LRRC4C: variants seen among roughly 807,000 people sequenced by gnomAD.
LRRC4C encodes the protein leucine-rich repeat-containing protein 4C.
LRRC4C carries 5 observed loss-of-function variants against 33.6 expected under a neutral mutation model. That is an observed-to-expected ratio of 0.15 (90% confidence interval 0.08 to 0.31). The LOEUF (loss-of-function observed/expected upper bound fraction) is 0.31. Among genes scored for constraint, LRRC4C ranks in the 10% least tolerant of loss-of-function variants. LRRC4C has a pLI of 1.00. For synonymous variants in LRRC4C, 329 were observed against 302.0 expected, an observed-to-expected ratio of 1.09 and a Z score of -0.93; for missense variants, 560 against 796.7, an observed-to-expected ratio of 0.70 and a Z score of 3.58.
At chr11:41,422,855 G>C (rs1195878779) in intron 1 of LRRC4C, among the ~76,000 whole-genome samples, 1 of 151,958 alleles carries the variant, frequency 6.6e-6, no homozygotes, top group African/African-American at 2.4e-5. Context: ...TAAATGATTT[G>C]TCAGCAGAGA....
intron 3 of LRRC4C, among the ~76,000 whole-genome samples, chr11:40,341,421 T>C (rs899811567): frequency 1.3e-5 from 2 of 152,038 alleles, no homozygotes; most frequent in African/African-American, 4.8e-5. Context: ...TGATTTATAA[T>C]CCTTTGGGTA....
intron 1 of LRRC4C, among the ~76,000 whole-genome samples, chr11:41,050,580 A>G (rs1425937677): frequency 1.3e-5 from 2 of 152,074 alleles, no homozygotes; most frequent in African/African-American, 2.4e-5. Context: ...GCTGAGAATG[A>G]TGGTTTCCAG....
chr11:40,673,076 T>G (rs1944213903), intron 2 of LRRC4C, among the ~76,000 whole-genome samples: 2 of 152,136 alleles, frequency 1.3e-5, no homozygotes, highest in Non-Finnish European at 2.9e-5. Context: ...AAGATTCTGA[T>G]TATGCATATT....
chr11:41,352,694 C>A (rs888256192), intron 1 of LRRC4C, among the ~76,000 whole-genome samples: 2 of 151,918 alleles, frequency 1.3e-5, no homozygotes, highest in African/African-American at 2.4e-5. Flanking sequence ...AGCACAATAA[C>A]AATAGAAATC....
At chr11:40,619,320 G>A (rs1962200292) in intron 3 of LRRC4C, among the ~76,000 whole-genome samples, 1 of 151,602 alleles carries the variant, frequency 6.6e-6, no homozygotes, top group South Asian at 2.1e-4. Flanking sequence ...TGCTTCAGGG[G>A]ATGGCTATCC....
intron 3 of LRRC4C, among the ~76,000 whole-genome samples, chr11:40,503,267 G>C (rs7115804): frequency 0.044 from 6,708 of 152,176 alleles, 367 homozygotes; most frequent in African/African-American, 0.13. Flanking sequence ...TAATTTCAAA[G>C]TACCTTTTCT....
At chr11:40,892,685 C>A (rs1448653988) in intron 2 of LRRC4C, among the ~76,000 whole-genome samples, 1 of 152,078 alleles carries the variant, frequency 6.6e-6, no homozygotes, top group Non-Finnish European at 1.5e-5. Flanking sequence ...ATAATCCAGA[C>A]ACAGAAAAAC....
chr11:40,666,057 T>C (rs1264552521), intron 2 of LRRC4C, among the ~76,000 whole-genome samples: 4 of 152,112 alleles, frequency 2.6e-5, no homozygotes, highest in African/African-American at 7.2e-5. Flanking sequence ...TTTATTATGA[T>C]GAGCAATGGT....
chr11:41,314,586 G>T (rs1480843600), intron 1 of LRRC4C, among the ~76,000 whole-genome samples: 1 of 152,086 alleles, frequency 6.6e-6, no homozygotes, highest in Non-Finnish European at 1.5e-5. Context: ...ACTCATAGGT[G>T]GGAATTGAAC....
At chr11:41,195,242 T>G (rs893016853) in intron 1 of LRRC4C, among the ~76,000 whole-genome samples, 2 of 152,092 alleles carry the variant, frequency 1.3e-5, no homozygotes, top group African/African-American at 4.8e-5. Flanking sequence ...CCCATTAAAG[T>G]AAATACTATT....
intron 1 of LRRC4C, among the ~76,000 whole-genome samples, chr11:41,374,020 G>T (rs1952850808): frequency 6.6e-6 from 1 of 151,934 alleles, no homozygotes; most frequent in African/African-American, 2.4e-5. Context: ...CATTCTTTTG[G>T]CCAATACCTA....
intron 1 of LRRC4C, among the ~76,000 whole-genome samples, chr11:41,045,714 C>T (rs1304377607): frequency 6.6e-6 from 1 of 152,010 alleles, no homozygotes; most frequent in Admixed American, 6.6e-5. Context: ...AGAGAAAGCC[C>T]AGCTATTATT....
intron 3 of LRRC4C, among the ~76,000 whole-genome samples, chr11:40,346,231 T>C (rs963714543): frequency 2.6e-5 from 4 of 152,284 alleles, no homozygotes; most frequent in Non-Finnish European, 5.9e-5. Context: ...ATTGTTCTGT[T>C]ACAAAGACAC....
chr11:41,170,994 C>T (rs1224925292), intron 1 of LRRC4C, among the ~76,000 whole-genome samples: 3 of 152,008 alleles, frequency 2.0e-5, no homozygotes, highest in Non-Finnish European at 4.4e-5. Flanking sequence ...CCAAAAAACA[C>T]ATGAAAAAAT....
At chr11:40,648,905 C>T (rs573677710) in intron 2 of LRRC4C, among the ~76,000 whole-genome samples, 13 of 152,196 alleles carry the variant, frequency 8.5e-5, no homozygotes, top group Non-Finnish European at 1.0e-4. Flanking sequence ...CCTCACATAT[C>T]GGTAGCACCG....
At chr11:41,088,422 T>A (rs1318128370) in intron 1 of LRRC4C, among the ~76,000 whole-genome samples, 4 of 151,110 alleles carry the variant, frequency 2.6e-5, no homozygotes, top group Non-Finnish European at 5.9e-5. Flanking sequence ...TAAAGAATTA[T>A]AGTTGTCATT....
chr11:40,812,925 G>C (rs930904108), intron 2 of LRRC4C, among the ~76,000 whole-genome samples: 2 of 152,086 alleles, frequency 1.3e-5, no homozygotes, highest in Non-Finnish European at 2.9e-5. Flanking sequence ...CTAGATTCTA[G>C]AAAAAGGGAG....
At position 40,473,865 on chromosome 11, in the gene LRRC4C, G is replaced by A. The variant is rs537282316; in HGVS notation, c.-269-154144C>T. 6.6e-5 allele frequency among the ~76,000 whole-genome samples: 10 copies of A among 152,068 alleles called. No homozygotes were observed. In the East Asian group the frequency reaches 1.2e-3, roughly 18 times the overall value. ...CTCCCATTCACAATTGCTACAAAGC[G>A]AATAAAATACCTAGGAATATAACTT... On this transcript the variant is annotated intron_variant, in intron 3 of 6. Coordinates refer to ENST00000528697, the MANE Select transcript of LRRC4C (RefSeq NM_001258419.2).
At chr11:40,709,399 G>A (rs549312066) in intron 2 of LRRC4C, among the ~76,000 whole-genome samples, 1 of 152,074 alleles carries the variant, frequency 6.6e-6, no homozygotes, top group South Asian at 2.1e-4. Context: ...AGGCAGGCCT[G>A]GTGGTGACAA....
Sources: gnomAD v4.1 joint callset for allele counts (sites outside exome capture counted in the v4.1 genomes callset) on GRCh38, gnomAD v4.1.1 for gene constraint, MANE v1.5 for transcripts, NCBI Gene and HGNC (gene_info 2026-07-23, HGNC 2026-07-21) for gene names.